Variants in NIBAN2 observed in about 807,000 individuals in gnomAD.
The protein encoded by NIBAN2 is protein Niban 2.
NIBAN2 carries 36 observed loss-of-function variants against 81.8 expected under a neutral mutation model. The observed-to-expected ratio is 0.44, with a 90% CI of 0.34 to 0.58. The LOEUF is 0.58. Ranked by LOEUF, NIBAN2 falls within the 20% of genes least tolerant of loss-of-function variation. NIBAN2 has a pLI of 0.02. For missense variants in NIBAN2, 897 were observed against 1,014.1 expected, an observed-to-expected ratio of 0.88 and a Z score of 1.57; for synonymous variants, 445 against 441.6, an observed-to-expected ratio of 1.01 and a Z score of -0.10.
intron 1 of NIBAN2, among the ~76,000 whole-genome samples, chr9:127,540,120 C>T (rs943985514): frequency 5.3e-5 from 8 of 152,218 alleles, no homozygotes; most frequent in African/African-American, 1.9e-4. Flanking sequence ...CAGCCTGGCC[C>T]ACCCTGGGAC....
At chr9:127,564,671 A>G (rs1345845565) in intron 1 of NIBAN2, among the ~76,000 whole-genome samples, 3 of 152,012 alleles carry the variant, frequency 2.0e-5, no homozygotes, top group Non-Finnish European at 4.4e-5. Context: ...TCAGGAGTTC[A>G]AGACCAGCCT....
chr9:127,524,816 C>T (rs939955194), intron 4 of NIBAN2: 1 of 420,762 alleles, frequency 2.4e-6, no homozygotes, highest in Non-Finnish European at 4.3e-6. Flanking sequence ...AGAGTAACTC[C>T]TGACGAACAC....
At chr9:127,549,187 C>T (rs372866852) in intron 1 of NIBAN2, among the ~76,000 whole-genome samples, 3 of 152,204 alleles carry the variant, frequency 2.0e-5, no homozygotes, top group East Asian at 3.8e-4. Flanking sequence ...GGACTAAACT[C>T]GGATACACAA....
intron 8 of NIBAN2, among the ~76,000 whole-genome samples, chr9:127,510,608 T>C (rs1387320136): frequency 6.6e-6 from 1 of 152,138 alleles, no homozygotes; most frequent in Non-Finnish European, 1.5e-5. Flanking sequence ...AGCTAATTTT[T>C]ATATTTTTAG....
chr9:127,529,032 G>A (rs549984315), intron 2 of NIBAN2, among the ~76,000 whole-genome samples: 1 of 152,328 alleles, frequency 6.6e-6, no homozygotes, highest in East Asian at 1.9e-4. Context: ...CTGTGGGTTT[G>A]GGTTTTATTT....
chr9:127,531,581 G>T, intron 2 of NIBAN2, 67 bp downstream of exon 2: 2 of 1,527,304 alleles, frequency 1.3e-6, no homozygotes, highest in East Asian at 2.3e-5. Flanking sequence ...GAAAAGTAAG[G>T]TCACTCCCCC....
At position 127,561,005 on chromosome 9, in the gene NIBAN2, GACCAGGC is replaced by G. The variant is rs1837763786; in HGVS notation, c.55+7808_55+7814del. 2.6e-5 allele frequency: 15 copies of G among 573,086 alleles called. No individual in the cohort carries two copies. The South Asian group carries it at 9.1e-4, about 35-fold the overall frequency. 35.5% of individuals were successfully genotyped at this position (573,086 alleles called of 1,614,324 possible). A position where few individuals can be genotyped will look rare whatever the true frequency, so the allele number is the denominator to read the frequency against. On this transcript the variant is annotated intron_variant, in intron 1 of 13. Transcript: ENST00000373312. ...GAGTCACACAGCAAGTGGTCAATGG[GACCAGGC>G]TTAAGGCTTACAAGTCTAGTTCTTG...
chr9:127,575,232 T>C (rs1249216623), intron 1 of NIBAN2, among the ~76,000 whole-genome samples: 49 of 8,582 alleles, frequency 5.7e-3, no homozygotes, highest in Middle Eastern at 0.071. Flanking sequence ...TATGGATTCT[T>C]TTTTTTTTTT....
At chr9:127,573,172 G>A (rs1212803816), upstream of NIBAN2, among the ~76,000 whole-genome samples, 1 of 152,204 alleles carries the variant, frequency 6.6e-6, no homozygotes, top group Non-Finnish European at 1.5e-5. Flanking sequence ...GTGAGCAAAA[G>A]GAAGCAAGGT....
rs188977492 is a variant in NIBAN2, at chr9:127,577,076, G to A, written c.16+1846C>T. Among the ~76,000 whole-genome samples, 313 of 152,024 alleles carry A rather than the reference G, an allele frequency of 2.1e-3. 3 individuals carry two copies. Among genetic ancestry groups the A allele is most frequent in the Admixed American group, 6.8e-3 (103 of 15,254 alleles). On this transcript the variant is annotated intron_variant, in intron 1 of 13. Transcript: ENST00000373314. ...TGGCTCACGCACTTTCAGAGGCCGA[G>A]GTGGGCGGATCACCTGAGGTCGGGA...
intron 2 of NIBAN2, among the ~76,000 whole-genome samples, chr9:127,529,424 A>C (rs1050054079): frequency 6.6e-6 from 1 of 152,236 alleles, no homozygotes; most frequent in Non-Finnish European, 1.5e-5. Flanking sequence ...GGATCACCTA[A>C]GGTCAGGAGT....
intron 2 of NIBAN2, among the ~76,000 whole-genome samples, 158 bp downstream of exon 2, chr9:127,531,486 AAAAG>A (rs1253319974): frequency 1.6e-5 from 1 of 62,008 alleles, no homozygotes; most frequent in Non-Finnish European, 4.5e-5. Flanking sequence ...TCTGTCTCAA[AAAAG>A]AAAAAAATAA....
At chr9:127,554,721 C>T (rs1016459406) in intron 1 of NIBAN2, among the ~76,000 whole-genome samples, 6 of 151,670 alleles carry the variant, frequency 4.0e-5, no homozygotes, top group African/African-American at 9.7e-5. Flanking sequence ...ACCCCATGCC[C>T]GGCTAATTTT....
Position 127,563,010 on chromosome 9 carries a change from T to C in NIBAN2, c.55+5810A>G, listed in dbSNP as rs919288968. Among the ~76,000 whole-genome samples the C allele has an allele frequency of 3.0e-4, 45 of 151,976 alleles. No homozygotes were observed. The highest frequency in any genetic ancestry group is 5.6e-4 in the Non-Finnish European group (38 of 67,984). On this transcript the variant is annotated intron_variant, in intron 1 of 13. Coordinates refer to ENST00000373312, the MANE Select transcript of NIBAN2 (RefSeq NM_022833.4). This position sits in a 1 kb window ranked among gnomAD's most constrained non-coding sequence, Gnocchi z 4.1. Reference sequence around the variant, plus strand: ...TGGGAAGTACTCCCAGAGGATGAAGTGGTTATCGCAGGACGGCGGGTGAGT... The same window carrying C: ...TGGGAAGTACTCCCAGAGGATGAAGCGGTTATCGCAGGACGGCGGGTGAGT...
chr9:127,576,150 A>C (rs543824697), intron 1 of NIBAN2, among the ~76,000 whole-genome samples: 4 of 152,188 alleles, frequency 2.6e-5, no homozygotes, highest in Non-Finnish European at 5.9e-5. Flanking sequence ...TGATGTGCAG[A>C]ACACTATCCT....
chr9:127,578,223 TG>T (rs1162775235), intron 1 of NIBAN2, among the ~76,000 whole-genome samples: 1 of 149,700 alleles, frequency 6.7e-6, no homozygotes, highest in African/African-American at 2.5e-5. Flanking sequence ...CTGGGCGTAG[TG>T]GCCTGTGCCT....
At position 127,568,947 on chromosome 9, in the gene NIBAN2, G is replaced by A. The variant is rs961308614; in HGVS notation, c.-73C>T. ...CCGCGCTGCTCAGGCGGACGCCGCTGGCGCCATGGAGCCCGGCCCGCCCTG... is the reference window on the plus strand; with the variant it reads ...CCGCGCTGCTCAGGCGGACGCCGCTAGCGCCATGGAGCCCGGCCCGCCCTG... On this transcript the variant is annotated 5_prime_UTR_variant, in exon 1 of 14. Transcript: ENST00000373312. 6.8e-6 allele frequency: 8 copies of A among 1,184,836 alleles called. No individual in the cohort carries two copies. In the Admixed American group the frequency reaches 1.9e-4, roughly 27 times the overall value. The allele number at this position is 1,184,836 out of a possible 1,614,324, so 73.4% of individuals were successfully genotyped here. A position where few individuals can be genotyped will look rare whatever the true frequency, so the allele number is the denominator to read the frequency against.
chr9:127,556,456 G>GCATTCATTCATT (rs34149772), intron 1 of NIBAN2, among the ~76,000 whole-genome samples: 1 of 151,200 alleles, frequency 6.6e-6, no homozygotes, highest in Non-Finnish European at 1.5e-5. Context: ...CCTTGCAATG[G>GCATTCATTCATT]CATTCATTCA....
chr9:127,542,056 C>T (rs1837390068), intron 1 of NIBAN2, among the ~76,000 whole-genome samples: 1 of 152,194 alleles, frequency 6.6e-6, no homozygotes, highest in South Asian at 2.1e-4. Context: ...CCTACTCCAT[C>T]CTGGCTGCCT....
Sources: allele counts gnomAD v4.1 joint callset (sites outside exome capture counted in the v4.1 genomes callset), GRCh38; gene constraint gnomAD v4.1.1; non-coding constraint Gnocchi (gnomAD v3.1); transcripts MANE v1.5; gene names NCBI Gene and HGNC (gene_info 2026-07-23, HGNC 2026-07-21).